The following AKAP12 variants were observed in gnomAD, a reference collection of about 807,000 sequenced individuals.
AKAP12 encodes the protein A-kinase anchor protein 12.
Under a neutral mutation model 79.9 loss-of-function variants are expected in AKAP12, and 32 were observed. The ratio of observed to expected loss-of-function variants is 0.40; its 90% confidence interval spans 0.30 to 0.54. The LOEUF (loss-of-function observed/expected upper bound fraction) is 0.54, where lower values mean the gene tolerates loss of function less well. Among genes scored for constraint, AKAP12 ranks in the 20% least tolerant of loss-of-function variants. The pLI is 0.48. For missense variants in AKAP12, 2,074 were observed against 2,177.0 expected, an observed-to-expected ratio of 0.95 and a Z score of 0.94; for synonymous variants, 808 against 857.0, an observed-to-expected ratio of 0.94 and a Z score of 1.00.
At chr6:151,308,094 C>T (rs1338329798) in intron 3 of AKAP12, among the ~76,000 whole-genome samples, 1 of 151,802 alleles carries the variant, frequency 6.6e-6, no homozygotes, top group Admixed American at 6.6e-5. Context: ...AGGCTGGTTT[C>T]GAACTTCTGA....
intron 2 of AKAP12, among the ~76,000 whole-genome samples, chr6:151,282,818 G>A (rs981317732): frequency 5.3e-5 from 8 of 152,148 alleles, no homozygotes; most frequent in Non-Finnish European, 1.2e-4. Flanking sequence ...CAATGTTCAG[G>A]CTGGTCAAAC....
chr6:151,286,488 G>T (rs1304207804), intron 2 of AKAP12, among the ~76,000 whole-genome samples: 2 of 152,182 alleles, frequency 1.3e-5, no homozygotes, highest in East Asian at 1.9e-4. Flanking sequence ...TGGGGCGTCG[G>T]CTTGCATTCT....
At chr6:151,278,192 G>A (rs932291873) in intron 2 of AKAP12, among the ~76,000 whole-genome samples, 1 of 138,058 alleles carries the variant, frequency 7.2e-6, no homozygotes, top group Non-Finnish European at 1.6e-5. Context: ...CAGATGTTGT[G>A]TTTTTTTTGG....
chr6:151,309,862 G>A (rs975078731), intron 3 of AKAP12, among the ~76,000 whole-genome samples: 14 of 151,942 alleles, frequency 9.2e-5, no homozygotes, highest in Non-Finnish European at 1.6e-4. Flanking sequence ...AATGCAACTG[G>A]GCTTCCTCTC....
At chr6:151,318,959 C>T (rs574979568) in intron 3 of AKAP12, among the ~76,000 whole-genome samples, 1 of 151,990 alleles carries the variant, frequency 6.6e-6, no homozygotes, top group Admixed American at 6.6e-5. Context: ...AAGAAAAATT[C>T]ATGTACCTCA....
intron 3 of AKAP12, among the ~76,000 whole-genome samples, chr6:151,337,975 T>C (rs9479014): frequency 0.18 from 27,586 of 152,168 alleles, 3,870 homozygotes; most frequent in African/African-American, 0.4. Flanking sequence ...AAGCGGAGGC[T>C]GCAGTGAGCC....
At chr6:151,262,753 CTT>C (rs1224499507) in intron 2 of AKAP12, among the ~76,000 whole-genome samples, 1 of 152,136 alleles carries the variant, frequency 6.6e-6, no homozygotes, top group African/African-American at 2.4e-5. Context: ...ATTCCTAAAG[CTT>C]TTTGTAATTT....
chr6:151,327,702 G>A (rs2114788717), intron 3 of AKAP12, among the ~76,000 whole-genome samples: 1 of 152,332 alleles, frequency 6.6e-6, no homozygotes, highest in Non-Finnish European at 1.5e-5. Context: ...CCAATGGAGT[G>A]ATAAATGAAT....
intron 2 of AKAP12, among the ~76,000 whole-genome samples, chr6:151,289,173 A>G (rs1776564809): frequency 6.6e-6 from 1 of 152,188 alleles, no homozygotes; most frequent in African/African-American, 2.4e-5. Context: ...GCTGTGAGAG[A>G]TGAATGTCAA....
chr6:151,297,189 T>C (rs1424202927), intron 2 of AKAP12, among the ~76,000 whole-genome samples: 1 of 150,682 alleles, frequency 6.6e-6, no homozygotes, highest in Non-Finnish European at 1.5e-5. Context: ...CACACAACTC[T>C]GGGTGTATGT....
chr6:151,312,740 C>T (rs1300189183), intron 3 of AKAP12, among the ~76,000 whole-genome samples: 2 of 143,300 alleles, frequency 1.4e-5, no homozygotes, highest in South Asian at 2.2e-4. Flanking sequence ...TGTAGTAAGC[C>T]GAGATCGTGC....
intron 3 of AKAP12, among the ~76,000 whole-genome samples, chr6:151,338,148 T>A (rs1460173946): frequency 6.6e-6 from 1 of 152,238 alleles, no homozygotes; most frequent in African/African-American, 2.4e-5. Context: ...ATAACCACAG[T>A]ACAGTTATTG....
At chr6:151,345,689 C>T (rs1264302412) in intron 3 of AKAP12, among the ~76,000 whole-genome samples, 3 of 150,420 alleles carry the variant, frequency 2.0e-5, no homozygotes, top group Non-Finnish European at 3.0e-5. Context: ...CCCAGCTACT[C>T]GGGAGGCTGA....
intron 3 of AKAP12, chr6:151,344,103 A>G (rs1778022960): frequency 4.5e-6 from 1 of 222,010 alleles, no homozygotes; most frequent in Non-Finnish European, 9.3e-6. Context: ...TATTTTATAA[A>G]GAGAAAAGGG....
intron 3 of AKAP12, among the ~76,000 whole-genome samples, chr6:151,339,198 T>C (rs1352677603): frequency 6.6e-6 from 1 of 152,238 alleles, no homozygotes; most frequent in Non-Finnish European, 1.5e-5. Context: ...GTTCTTGCCA[T>C]AAGTGGCGCT....
intron 3 of AKAP12, among the ~76,000 whole-genome samples, chr6:151,327,999 G>C (rs1281853998): frequency 6.6e-6 from 1 of 152,174 alleles, no homozygotes; most frequent in Admixed American, 6.5e-5. Context: ...TTAAATAGTT[G>C]CTCAGAATCT....
In AKAP12 at chr6:151,324,190, A is replaced by G. The variant is rs1305306369; in HGVS notation, c.319+18287A>G. On this transcript the variant is annotated intron_variant, in intron 3 of 4. Transcript: ENST00000402676. ...CTTCTCTAGAGAAAAAAGGTTGGGAAGCAGCTCAGTGGCTGGGTCTGGGAG... is the reference window on the plus strand; with the variant it reads ...CTTCTCTAGAGAAAAAAGGTTGGGAGGCAGCTCAGTGGCTGGGTCTGGGAG... 3.0e-6 allele frequency: 3 copies of G among 985,408 alleles called. No homozygotes were observed. The East Asian group carries it at 3.4e-4, about 112-fold the overall frequency. 61.0% of individuals were successfully genotyped at this position (985,408 alleles called of 1,614,324 possible).
intron 2 of AKAP12, among the ~76,000 whole-genome samples, chr6:151,255,302 A>T (rs1797270403): frequency 6.6e-6 from 1 of 151,812 alleles, no homozygotes; most frequent in African/African-American, 2.4e-5. Flanking sequence ...AGTAGCTGGG[A>T]TTACAGGCAT....
chr6:151,351,626 G>A lies in AKAP12; in HGVS notation c.3235G>A (p.Glu1079Lys), dbSNP rs2114828879. The A allele has an allele frequency of 6.2e-7, 1 of 1,614,148 alleles. No individual in the cohort carries two copies. The highest frequency in any genetic ancestry group is 8.5e-7 in the Non-Finnish European group (1 of 1,180,046). ...VQRAEAERPE[E>K]QAEASGLKKE... ...GAGAGCAGAGGCAGAAAGACCAGAA[G>A]AGCAGGCTGAAGCGTCGGGTCTGAA... The change falls in exon 4 of 5, where the codon GAG becomes AAG. Residue 1079 changes from glutamate to lysine, a missense_variant. Transcript: ENST00000402676. The surrounding 1 kb of genome is among the most constrained non-coding windows in gnomAD (Gnocchi z 4.4).
Sources: allele counts gnomAD v4.1 joint callset (sites outside exome capture counted in the v4.1 genomes callset), GRCh38; gene constraint gnomAD v4.1.1; non-coding constraint Gnocchi (gnomAD v3.1); transcripts MANE v1.5; gene names NCBI Gene and HGNC (gene_info 2026-07-23, HGNC 2026-07-21).